OPCML: variants seen among roughly 807,000 people sequenced by gnomAD.
OPCML encodes the protein opioid-binding protein/cell adhesion molecule.
Under a neutral mutation model 37.8 loss-of-function variants are expected in OPCML, and 13 were observed. The ratio of observed to expected loss-of-function variants is 0.34; its 90% confidence interval spans 0.22 to 0.55. OPCML has a LOEUF of 0.55. OPCML is among the 20% of genes least tolerant of loss of function. The pLI, the probability that OPCML is intolerant of heterozygous loss-of-function variation, is 0.91. For missense variants in OPCML, 341 were observed against 435.6 expected (o/e 0.78, Z 1.93); for synonymous variants, 176 against 168.8 (o/e 1.04, Z -0.33).
chr11:132,801,284 G>T (rs1938633753), intron 2 of OPCML, among the ~76,000 whole-genome samples: 1 of 152,104 alleles, frequency 6.6e-6, no homozygotes, highest in South Asian at 2.1e-4. Context: ...CTCTTTCCCA[G>T]TCTAGCTAAA....
At chr11:133,155,636 T>C (rs1950049802) in intron 1 of OPCML, among the ~76,000 whole-genome samples, 1 of 152,210 alleles carries the variant, frequency 6.6e-6, no homozygotes. Context: ...ATATATAATC[T>C]ATACATCTAT....
At chr11:132,849,402 G>A (rs1369881600) in intron 2 of OPCML, among the ~76,000 whole-genome samples, 2 of 152,314 alleles carry the variant, frequency 1.3e-5, no homozygotes, top group East Asian at 3.9e-4. Flanking sequence ...TAGGCACTGA[G>A]GAGACCCCAG....
In OPCML at chr11:133,139,564, T is replaced by C. The variant is rs548748658; in HGVS notation, c.62-196554A>G. Among the ~76,000 whole-genome samples the C allele has an allele frequency of 2.8e-4, 42 of 152,308 alleles. 1 individual carries two copies. In the South Asian group the frequency reaches 8.3e-3, roughly 30 times the overall value. Reference sequence around the variant, plus strand: ...ATATTTAGATCTAAATAAATTGCTTTGTTTTTATTGGGGTTCTGACACTTA... The same window carrying C: ...ATATTTAGATCTAAATAAATTGCTTCGTTTTTATTGGGGTTCTGACACTTA... On this transcript the variant is annotated intron_variant, in intron 1 of 7. Coordinates refer to ENST00000524381, the MANE Select transcript of OPCML (RefSeq NM_001012393.5).
intron 2 of OPCML, among the ~76,000 whole-genome samples, chr11:132,719,349 C>T (rs1451479241): frequency 1.3e-5 from 2 of 152,316 alleles, no homozygotes; most frequent in South Asian, 2.1e-4. Flanking sequence ...GTATAAGTAA[C>T]ACTCTCCTCT....
chr11:133,178,462 T>C (rs1168798902), intron 1 of OPCML, among the ~76,000 whole-genome samples: 1 of 152,008 alleles, frequency 6.6e-6, no homozygotes, highest in South Asian at 2.1e-4. Context: ...TGAATATATG[T>C]ATATATATTA....
chr11:132,834,524 C>A (rs910200169), intron 2 of OPCML, among the ~76,000 whole-genome samples: 1 of 152,186 alleles, frequency 6.6e-6, no homozygotes, highest in Admixed American at 6.5e-5. Context: ...CTCCTTGCCT[C>A]TTCTAGCATG....
chr11:132,621,723 T>C (rs1482634109), intron 3 of OPCML, among the ~76,000 whole-genome samples: 1 of 152,206 alleles, frequency 6.6e-6, no homozygotes, highest in East Asian at 1.9e-4. Flanking sequence ...TAAGTTCTCC[T>C]TGCTGTACAT....
intron 1 of OPCML, among the ~76,000 whole-genome samples, chr11:133,324,388 G>C (rs1441485406): frequency 6.6e-6 from 1 of 152,170 alleles, no homozygotes; most frequent in African/African-American, 2.4e-5. Flanking sequence ...TGTAATTACA[G>C]CCATGCTGCC....
intron 1 of OPCML, among the ~76,000 whole-genome samples, chr11:133,020,361 G>A (rs1371645591): frequency 6.6e-6 from 1 of 152,150 alleles, no homozygotes; most frequent in African/African-American, 2.4e-5. Context: ...CCACAGACAC[G>A]CTGCATGGCT....
intron 1 of OPCML, among the ~76,000 whole-genome samples, chr11:133,196,372 T>C (rs1938537300): frequency 6.6e-6 from 1 of 152,210 alleles, no homozygotes; most frequent in African/African-American, 2.4e-5. Flanking sequence ...CTTCAGTGAC[T>C]GGGTTTCCAC....
At chr11:132,488,948 T>A (rs1261319682) in intron 4 of OPCML, among the ~76,000 whole-genome samples, 1 of 152,174 alleles carries the variant, frequency 6.6e-6, no homozygotes, top group Non-Finnish European at 1.5e-5. Context: ...GTTGGAATTT[T>A]CGAGGGTGGC....
intron 4 of OPCML, among the ~76,000 whole-genome samples, chr11:132,458,448 A>G (rs180975030): frequency 3.3e-5 from 5 of 152,300 alleles, no homozygotes; most frequent in African/African-American, 9.6e-5. Context: ...GTCTTGCATG[A>G]TTGCTGTGAG....
intron 1 of OPCML, among the ~76,000 whole-genome samples, chr11:132,950,606 T>C (rs1478022867): frequency 6.6e-6 from 1 of 152,150 alleles, no homozygotes; most frequent in African/African-American, 2.4e-5. Context: ...GATGCTACTG[T>C]CTCATTGAAA....
intron 2 of OPCML, among the ~76,000 whole-genome samples, chr11:132,756,020 T>C (rs1323891441): frequency 6.6e-6 from 1 of 152,144 alleles, no homozygotes; most frequent in African/African-American, 2.4e-5. Flanking sequence ...CTCAGGATCA[T>C]AGAAATGGGC....
chr11:133,395,468 G>A (rs1214771822), intron 1 of OPCML, among the ~76,000 whole-genome samples: 1 of 152,064 alleles, frequency 6.6e-6, no homozygotes, highest in Non-Finnish European at 1.5e-5. Flanking sequence ...AGAAATCTTT[G>A]CCCAGTCCAA....
At chr11:132,765,933 G>A (rs533926996) in intron 2 of OPCML, among the ~76,000 whole-genome samples, 1 of 152,222 alleles carries the variant, frequency 6.6e-6, no homozygotes, top group Non-Finnish European at 1.5e-5. Flanking sequence ...ATGCCAGAGA[G>A]AAAGAAAATG....
At chr11:132,971,272 T>C (rs948026629) in intron 1 of OPCML, among the ~76,000 whole-genome samples, 6 of 152,178 alleles carry the variant, frequency 3.9e-5, no homozygotes, top group African/African-American at 1.4e-4. Flanking sequence ...TCAGTAAATA[T>C]TGACTAAAAT....
chr11:133,392,385 A>T (rs1293863258), intron 1 of OPCML, among the ~76,000 whole-genome samples: 1 of 152,216 alleles, frequency 6.6e-6, no homozygotes, highest in East Asian at 1.9e-4. Flanking sequence ...AAACTGCCGT[A>T]TTAGCAAGAA....
intron 2 of OPCML, among the ~76,000 whole-genome samples, chr11:132,744,068 C>T (rs560377783): frequency 6.6e-6 from 1 of 152,174 alleles, no homozygotes; most frequent in Admixed American, 6.5e-5. Flanking sequence ...AGCAAAGCTT[C>T]GTTAGCCTAT....
Sources: gnomAD v4.1 joint callset for allele counts (sites outside exome capture counted in the v4.1 genomes callset) on GRCh38, gnomAD v4.1.1 for gene constraint, MANE v1.5 for transcripts, NCBI Gene and HGNC (gene_info 2026-07-23, HGNC 2026-07-21) for gene names.